Variants in PCNX1 observed in about 807,000 individuals in gnomAD.
PCNX1 encodes pecanex-like protein 1.
In PCNX1, 78 loss-of-function variants were observed where a neutral mutation model predicts 242.2. That is an observed-to-expected ratio of 0.32 (90% confidence interval 0.27 to 0.39). The LOEUF (loss-of-function observed/expected upper bound fraction) is 0.39. PCNX1 is among the 10% of genes least tolerant of loss of function. The pLI is 1.00. For synonymous variants in PCNX1, 1,024 were observed against 1,032.9 expected (o/e 0.99, Z 0.17); for missense variants, 2,581 against 2,856.5 (o/e 0.90, Z 2.20).
intron 10 of PCNX1, 112 bp downstream of exon 10, chr14:71,011,661 T>G (rs963333733): frequency 2.9e-6 from 2 of 698,864 alleles, no homozygotes; most frequent in East Asian, 5.6e-5. Flanking sequence ...ACACAAAAAT[T>G]TTTTGAAAAC....
chr14:71,115,064 A>C lies in PCNX1; in HGVS notation c.*5129A>C, dbSNP rs962876682. ...CTGGCAATGAGCTCTGCATGAGGAA[A>C]TGGAAGGAGGAATATTGAAAATGAT... On this transcript the variant is annotated 3_prime_UTR_variant, in exon 36 of 36. Transcript: ENST00000304743. The C allele has an allele frequency of 6.6e-6, 1 of 152,450 alleles. No homozygotes were observed. The highest frequency in any genetic ancestry group is 1.5e-5 in the Non-Finnish European group (1 of 68,008). 9.4% of individuals were successfully genotyped at this position (152,450 alleles called of 1,614,324 possible). A position where few individuals can be genotyped will look rare whatever the true frequency, so the allele number is the denominator to read the frequency against.
At chr14:70,911,885 A>G (rs924892561) in intron 1 of PCNX1, among the ~76,000 whole-genome samples, 4 of 152,192 alleles carry the variant, frequency 2.6e-5, no homozygotes, top group African/African-American at 9.7e-5. Flanking sequence ...AATCATTTTC[A>G]TAACATATTG....
intron 1 of PCNX1, among the ~76,000 whole-genome samples, chr14:70,916,039 T>G (rs2056140846): frequency 6.6e-6 from 1 of 152,154 alleles, no homozygotes; most frequent in Non-Finnish European, 1.5e-5. Flanking sequence ...GTAATCTCCT[T>G]AGAGGACAAA....
intron 30 of PCNX1, among the ~76,000 whole-genome samples, chr14:71,099,351 G>T (rs113780177): frequency 6.6e-6 from 1 of 151,926 alleles, no homozygotes; most frequent in East Asian, 1.9e-4. Flanking sequence ...GTAGAGACGG[G>T]GTTTCACCGT....
rs1749034451 is a variant in PCNX1 at position 71,112,091 on chromosome 14, T to C, written c.*2156T>C. The C allele has an allele frequency of 6.6e-6, 1 of 152,540 alleles. No homozygotes were observed. The highest frequency in any genetic ancestry group is 2.1e-4 in the South Asian group (1 of 4,830). The allele number at this position is 152,540 out of a possible 1,614,324, so 9.4% of individuals were successfully genotyped here. On this transcript the variant is annotated 3_prime_UTR_variant, in exon 36 of 36. Coordinates refer to ENST00000304743, the MANE Select transcript of PCNX1 (RefSeq NM_014982.3). ...GCTTCTTCCCTTTCTGAAGTGAATA[T>C]GATCTTTTCATGGTCATTGCCTAGA...
intron 26 of PCNX1, among the ~76,000 whole-genome samples, chr14:71,068,375 CAT>C (rs980380439): frequency 6.7e-6 from 1 of 149,256 alleles, no homozygotes; most frequent in Non-Finnish European, 1.5e-5. Context: ...TACATGTATA[CAT>C]ATATGTGTGT....
chr14:71,043,448 G>A (rs553537560), intron 19 of PCNX1, among the ~76,000 whole-genome samples: 7 of 151,766 alleles, frequency 4.6e-5, no homozygotes, highest in Non-Finnish European at 7.4e-5. Flanking sequence ...GGTCATTTTT[G>A]CACTGTCACA....
chr14:71,030,172 A>G (rs141574926), intron 16 of PCNX1, among the ~76,000 whole-genome samples: 112 of 152,238 alleles, frequency 7.4e-4, no homozygotes, highest in African/African-American at 2.6e-3. Context: ...AAGAACAGCA[A>G]TCTCCTAACC....
intron 1 of PCNX1, among the ~76,000 whole-genome samples, chr14:70,910,058 TC>T (rs2055773613): frequency 1.7e-5 from 1 of 59,928 alleles, no homozygotes; most frequent in Non-Finnish European, 3.1e-5. Flanking sequence ...CTCCTCCTCC[TC>T]CTCCCCCTCC....
At chr14:70,970,816 A>G (rs1382197223) in intron 5 of PCNX1, among the ~76,000 whole-genome samples, 1 of 152,208 alleles carries the variant, frequency 6.6e-6, no homozygotes, top group Non-Finnish European at 1.5e-5. Context: ...TGCCATCCTA[A>G]AATTTGGTTT....
Position 70,982,462 on chromosome 14 carries a change from A to G in PCNX1, c.2311+3814A>G, listed in dbSNP as rs536801941. Among the ~76,000 whole-genome samples the G allele has an allele frequency of 2.0e-5, 3 of 152,354 alleles. No individual in the cohort carries two copies. In the South Asian group the frequency reaches 6.2e-4, roughly 32 times the overall value. ...TGCAGGGACAGACTATCATTTTAAT[A>G]GTGTTCAAAGACATCATAATAGCAT... On this transcript the variant is annotated intron_variant, in intron 6 of 35. Transcript: ENST00000304743.
chr14:70,987,909 A>G (rs2059046669), intron 6 of PCNX1, among the ~76,000 whole-genome samples: 1 of 152,162 alleles, frequency 6.6e-6, no homozygotes, highest in Non-Finnish European at 1.5e-5. Flanking sequence ...TTTGCTTCCT[A>G]AAGTTGAGAG....
At chr14:70,945,348 C>T (rs1249057231) in intron 1 of PCNX1, among the ~76,000 whole-genome samples, 2 of 152,200 alleles carry the variant, frequency 1.3e-5, no homozygotes, top group African/African-American at 4.8e-5. Context: ...TATTTCCCAA[C>T]TTAAAATTAT....
At chr14:70,940,013 A>G (rs1016843008) in intron 1 of PCNX1, among the ~76,000 whole-genome samples, 8 of 152,080 alleles carry the variant, frequency 5.3e-5, no homozygotes, top group Non-Finnish European at 1.0e-4. Flanking sequence ...TTTTGAGCCT[A>G]TGTGTGTCCC....
chr14:70,941,216 A>G (rs2057227595), intron 1 of PCNX1, among the ~76,000 whole-genome samples: 2 of 152,242 alleles, frequency 1.3e-5, no homozygotes, highest in Non-Finnish European at 2.9e-5. Flanking sequence ...TCTGATTTTT[A>G]GAATTTTCAT....
chr14:71,087,965 TA>T (rs554645724), intron 28 of PCNX1, among the ~76,000 whole-genome samples: 18 of 146,794 alleles, frequency 1.2e-4, no homozygotes, highest in South Asian at 4.3e-4. Flanking sequence ...AAGTAGTTAA[TA>T]AAAAAAAAAG....
intron 1 of PCNX1, among the ~76,000 whole-genome samples, chr14:70,916,795 T>C (rs1389632463): frequency 1.3e-5 from 2 of 152,202 alleles, no homozygotes; most frequent in Non-Finnish European, 2.9e-5. Context: ...CAATGAAGTT[T>C]GCAGCATCAA....
At chr14:70,995,392 G>T (rs1447142463) in intron 7 of PCNX1, among the ~76,000 whole-genome samples, 2 of 152,066 alleles carry the variant, frequency 1.3e-5, no homozygotes, top group African/African-American at 4.8e-5. Context: ...TATCTGTTGG[G>T]GCCAGCTGCA....
intron 1 of PCNX1, among the ~76,000 whole-genome samples, chr14:70,929,762 A>T (rs183698789): frequency 6.6e-6 from 1 of 152,344 alleles, no homozygotes; most frequent in African/African-American, 2.4e-5. Context: ...TAGATGTGCT[A>T]TGTAAACCTG....
Sources: allele counts gnomAD v4.1 joint callset (sites outside exome capture counted in the v4.1 genomes callset), GRCh38; gene constraint gnomAD v4.1.1; transcripts MANE v1.5; gene names NCBI Gene and HGNC (gene_info 2026-07-23, HGNC 2026-07-21).